The following LIMS1 variants were observed in gnomAD, a reference collection of about 807,000 sequenced individuals.
LIMS1 encodes the protein LIM zinc finger domain containing 1, also known as LIM and senescent cell antigen-like-containing domain protein 1.
Under a neutral mutation model 44.1 loss-of-function variants are expected in LIMS1, and 18 were observed. That is an observed-to-expected ratio of 0.41 (90% confidence interval 0.28 to 0.61). LIMS1 has a LOEUF of 0.61. LIMS1 is among the 20% of genes least tolerant of loss of function. LIMS1 has a pLI of 0.32. For synonymous variants in LIMS1, 93 were observed against 149.1 expected (o/e 0.62, Z 2.74); for missense variants, 201 against 422.0 (o/e 0.48, Z 4.59).
intron 9 of LIMS1, chr2:108,681,284 C>G (rs1692978357): frequency 2.0e-6 from 2 of 985,202 alleles, no homozygotes; most frequent in South Asian, 9.4e-5. Flanking sequence ...CTATGTAGAA[C>G]TGGTCCTTTT....
At chr2:108,632,407 C>T (rs1413208426) in intron 1 of LIMS1, among the ~76,000 whole-genome samples, 2 of 152,150 alleles carry the variant, frequency 1.3e-5, no homozygotes, top group Admixed American at 6.5e-5. Context: ...TTGAAAGACA[C>T]CATGTTAAAA....
intron 1 of LIMS1, among the ~76,000 whole-genome samples, chr2:108,570,947 A>G (rs545827615): frequency 6.6e-6 from 1 of 152,326 alleles, no homozygotes; most frequent in South Asian, 2.1e-4. Context: ...CTTTTGGTCT[A>G]ATGTGGTAAC....
intron 2 of LIMS1, among the ~76,000 whole-genome samples, chr2:108,665,769 C>G (rs1691711384): frequency 6.6e-6 from 1 of 151,918 alleles, no homozygotes; most frequent in Admixed American, 6.6e-5. Context: ...CATTATCTGC[C>G]CACCTCGGCC....
Position 108,576,565 on chromosome 2 carries a change from T to A in LIMS1, c.32+41971T>A, listed in dbSNP as rs186968120. Among the ~76,000 whole-genome samples the A allele has an allele frequency of 5.3e-5, 8 of 152,242 alleles. No homozygotes were observed. The East Asian group carries it at 1.2e-3, about 22-fold the overall frequency. The stretch of plus-strand genomic sequence containing the variant: ...ACAAGCACGTGCCACCACACCTGGC[T>A]AATTTTTGTATTTTTAGTAGAGACA... On this transcript the variant is annotated intron_variant, in intron 1 of 9. Coordinates refer to ENST00000544547, the Ensembl canonical transcript of LIMS1.
chr2:108,596,571 C>T (rs1472759386), intron 1 of LIMS1, among the ~76,000 whole-genome samples: 457 of 148,160 alleles, frequency 3.1e-3, no homozygotes, highest in African/African-American at 0.012. Flanking sequence ...CGCCTGTAAT[C>T]CTAGCACTTT....
At chr2:108,613,140 G>A (rs1687750631) in intron 1 of LIMS1, among the ~76,000 whole-genome samples, 1 of 152,170 alleles carries the variant, frequency 6.6e-6, no homozygotes. Context: ...GGGTTGAGAT[G>A]GAGGTTAATA....
At chr2:108,632,340 T>C (rs1688980535) in intron 1 of LIMS1, among the ~76,000 whole-genome samples, 2 of 152,222 alleles carry the variant, frequency 1.3e-5, no homozygotes. Context: ...TGCTTTTTAC[T>C]TCCTAAGTAC....
At chr2:108,550,709 G>C (rs1294122526) in intron 1 of LIMS1, among the ~76,000 whole-genome samples, 6 of 148,428 alleles carry the variant, frequency 4.0e-5, no homozygotes, top group Non-Finnish European at 7.5e-5. Context: ...CCAGTTACTC[G>C]GGAGGTTGAG....
chr2:108,545,966 G>A (rs1356704704), intron 1 of LIMS1, among the ~76,000 whole-genome samples: 1 of 152,162 alleles, frequency 6.6e-6, no homozygotes, highest in African/African-American at 2.4e-5. Context: ...CTTCTAAAAA[G>A]AGAAGCCCTC....
rs77730242 is a variant in LIMS1, at chr2:108,628,914, G to A, written c.33-30691G>A. ...TGGCTAAAGTGATCCTCAGCCTTCC[G>A]AGTAGCTGAGACTGCATTGAAATAT... On this transcript the variant is annotated intron_variant, in intron 1 of 9. Transcript: ENST00000544547. Among the ~76,000 whole-genome samples the A allele has an allele frequency of 5.0e-3, 766 of 152,322 alleles. 6 individuals are homozygous for A. Among genetic ancestry groups the A allele is most frequent in the African/African-American group, 0.017 (726 of 41,570 alleles).
intron 1 of LIMS1, among the ~76,000 whole-genome samples, chr2:108,581,409 A>G (rs1179298340): frequency 1.3e-5 from 2 of 152,220 alleles, no homozygotes; most frequent in African/African-American, 4.8e-5. Context: ...TACGTTTCCC[A>G]GTAAATACTT....
chr2:108,637,863 A>AT (rs11312101), intron 1 of LIMS1, among the ~76,000 whole-genome samples: 310 of 143,890 alleles, frequency 2.2e-3, no homozygotes, highest in East Asian at 4.1e-3. Context: ...AAATTTTAAG[A>AT]TTTTTTTTTT....
chr2:108,616,067 A>T (rs552198833), intron 1 of LIMS1, among the ~76,000 whole-genome samples: 5 of 152,076 alleles, frequency 3.3e-5, no homozygotes, highest in South Asian at 2.1e-4. Flanking sequence ...TACCTGGAAA[A>T]TTTGCATATT....
chr2:108,556,727 A>G (rs1684936886), intron 1 of LIMS1, among the ~76,000 whole-genome samples: 1 of 152,246 alleles, frequency 6.6e-6, no homozygotes, highest in Non-Finnish European at 1.5e-5. Flanking sequence ...TCATGAATGC[A>G]GAATGTTAGC....
chr2:108,600,067 A>G (rs1686924783), intron 1 of LIMS1, among the ~76,000 whole-genome samples: 1 of 150,796 alleles, frequency 6.6e-6, no homozygotes, highest in South Asian at 2.1e-4. Flanking sequence ...GTCGTTTGAG[A>G]TGGAGTCTCA....
chr2:108,641,524 G>T (rs1689664819), intron 1 of LIMS1, among the ~76,000 whole-genome samples: 1 of 152,142 alleles, frequency 6.6e-6, no homozygotes, highest in African/African-American at 2.4e-5. Flanking sequence ...TTATTGTTAG[G>T]TGATAATCTT....
At chr2:108,647,729 A>T (rs1690172811) in intron 1 of LIMS1, among the ~76,000 whole-genome samples, 1 of 152,244 alleles carries the variant, frequency 6.6e-6, no homozygotes, top group Non-Finnish European at 1.5e-5. Context: ...GATTATCTCA[A>T]TAGATGCACA....
At chr2:108,572,360 C>T (rs941350981) in intron 1 of LIMS1, among the ~76,000 whole-genome samples, 2 of 149,292 alleles carry the variant, frequency 1.3e-5, no homozygotes, top group Non-Finnish European at 3.0e-5. Flanking sequence ...CCTTCTCTCC[C>T]TTGGTCTCTG....
At chr2:108,616,221 T>TG (rs1687925227) in intron 1 of LIMS1, among the ~76,000 whole-genome samples, 1 of 132,248 alleles carries the variant, frequency 7.6e-6, no homozygotes, top group Non-Finnish European at 1.6e-5. Flanking sequence ...TTTTTTTTTT[T>TG]GGATATAGGG....
Sources: allele counts gnomAD v4.1 joint callset (sites outside exome capture counted in the v4.1 genomes callset), GRCh38; gene constraint gnomAD v4.1.1; transcripts MANE v1.5; gene names NCBI Gene and HGNC (gene_info 2026-07-23, HGNC 2026-07-21).